Variants in TPST1 observed in about 807,000 individuals in gnomAD.
TPST1 encodes the protein protein-tyrosine sulfotransferase 1.
A neutral mutation model predicts 34.8 loss-of-function variants in TPST1; 20 were observed. The observed-to-expected ratio is 0.57, with a 90% CI of 0.40 to 0.84. The LOEUF (loss-of-function observed/expected upper bound fraction) is 0.84, where lower values mean the gene tolerates loss of function less well. TPST1 is among the 40% of genes least tolerant of loss of function. The pLI is 0.00. For synonymous variants in TPST1, 152 were observed against 159.4 expected, an observed-to-expected ratio of 0.95 and a Z score of 0.35; for missense variants, 353 against 455.5, an observed-to-expected ratio of 0.78 and a Z score of 2.05.
Position 66,205,780 on chromosome 7 carries a change from C to G in TPST1, c.-102+258C>G, listed in dbSNP as rs79607011. ...GGGGCCTCTCCCCTCTGCCCTTTCT[C>G]TCCCTTCTCGCAGCCCTGGGACCAC... On this transcript the variant is annotated intron_variant, in intron 1 of 5. Transcript: ENST00000304842. This position sits in a 1 kb window ranked among gnomAD's most constrained non-coding sequence, Gnocchi z 5.0. The G allele has an allele frequency of 9.6e-4, 147 of 152,530 alleles. 4 individuals carry two copies. In the East Asian group the frequency reaches 0.025, roughly 26 times the overall value. The allele number at this position is 152,530 out of a possible 1,614,324, so 9.4% of individuals were successfully genotyped here.
chr7:66,307,570 T>C (rs534908218), intron 3 of TPST1, among the ~76,000 whole-genome samples: 39 of 152,280 alleles, frequency 2.6e-4, no homozygotes, highest in African/African-American at 8.7e-4. Flanking sequence ...GTAAAAGCAG[T>C]GTCCTTTTTA....
At chr7:66,240,088 C>A (rs139936726) in intron 1 of TPST1, among the ~76,000 whole-genome samples, 1 of 151,960 alleles carries the variant, frequency 6.6e-6, no homozygotes, top group Non-Finnish European at 1.5e-5. Flanking sequence ...GGGGTTTCAC[C>A]GTGTTGGCCG....
At position 66,328,906 on chromosome 7, in the gene TPST1, A is replaced by ATTTTTTTTTTT. The variant is rs1172711561; in HGVS notation, c.1045-23586_1045-23576dup. ...TCTCTCTATATATATATATATATAT[A>ATTTTTTTTTTT]TTTTTTTTTTTTTTTTTTTTTTTGA... is the stretch of plus-strand genomic sequence containing the variant. On this transcript the variant is annotated intron_variant, in intron 3 of 5. Transcript: ENST00000304842. Among the ~76,000 whole-genome samples, 7 of 13,158 alleles carry ATTTTTTTTTTT rather than the reference A, an allele frequency of 5.3e-4. 3 individuals are homozygous for ATTTTTTTTTTT. Among genetic ancestry groups the ATTTTTTTTTTT allele is most frequent in the African/African-American group, 1.1e-3 (2 of 1,772 alleles). The allele number at this position is 13,158 out of a possible 152,430, so 8.6% of individuals were successfully genotyped here. A position where few individuals can be genotyped will look rare whatever the true frequency, so the allele number is the denominator to read the frequency against.
At chr7:66,238,909 A>G (rs1489991502) in intron 1 of TPST1, among the ~76,000 whole-genome samples, 2 of 152,186 alleles carry the variant, frequency 1.3e-5, no homozygotes, top group African/African-American at 2.4e-5. Flanking sequence ...TGTTTCATAT[A>G]CATGCTTCTG....
At chr7:66,328,011 C>CTTTTTTTTTTTTTT (rs35582736) in intron 3 of TPST1, among the ~76,000 whole-genome samples, 1 of 39,486 alleles carries the variant, frequency 2.5e-5, no homozygotes, top group African/African-American at 1.1e-4. Flanking sequence ...TTTTCCTTTC[C>CTTTTTTTTTTTTTT]TTTTTTTTTT....
chr7:66,229,777 C>A (rs1310261736), intron 1 of TPST1, among the ~76,000 whole-genome samples: 1 of 152,102 alleles, frequency 6.6e-6, no homozygotes. Context: ...TGCTTTTTAT[C>A]CTTGTCAGCA....
chr7:66,238,479 G>A (rs1398959238), intron 1 of TPST1, among the ~76,000 whole-genome samples: 2 of 150,410 alleles, frequency 1.3e-5, no homozygotes, highest in Non-Finnish European at 3.0e-5. Context: ...AGTTGTTATG[G>A]AGGCCTGCGT....
intron 3 of TPST1, among the ~76,000 whole-genome samples, chr7:66,329,429 C>CTT (rs11389260): frequency 6.6e-6 from 1 of 151,276 alleles, no homozygotes; most frequent in African/African-American, 2.4e-5. Flanking sequence ...ACTCACATGG[C>CTT]TTTTTTTTTA....
intron 3 of TPST1, among the ~76,000 whole-genome samples, chr7:66,323,740 C>G (rs1188843716): frequency 6.6e-6 from 1 of 152,152 alleles, no homozygotes; most frequent in Non-Finnish European, 1.5e-5. Flanking sequence ...GTTGGTTCCT[C>G]TTGAATCACC....
intron 3 of TPST1, among the ~76,000 whole-genome samples, chr7:66,315,048 A>G (rs1336442107): frequency 6.6e-6 from 1 of 152,196 alleles, no homozygotes; most frequent in Non-Finnish European, 1.5e-5. Flanking sequence ...CCTCCATTTC[A>G]TGGTATTCTA....
intron 3 of TPST1, among the ~76,000 whole-genome samples, chr7:66,303,391 GTGTA>G (rs6150141): frequency 2.7e-5 from 4 of 150,164 alleles, no homozygotes; most frequent in East Asian, 2.0e-4. Flanking sequence ...ACAGCTGTGT[GTGTA>G]TGTATGTATG....
chr7:66,335,911 A>C lies in TPST1; in HGVS notation c.1045-16594A>C, dbSNP rs189243548. Among the ~76,000 whole-genome samples the C allele has an allele frequency of 8.5e-5, 13 of 152,360 alleles. No homozygotes were observed. The East Asian group carries it at 2.3e-3, about 27-fold the overall frequency. On this transcript the variant is annotated intron_variant, in intron 3 of 5. Coordinates refer to ENST00000304842, the MANE Select transcript of TPST1 (RefSeq NM_003596.4). ...GCAATGATTATGAAAACTTAGGGAAATATGACACCACCAAAAGAAACCAAC... is the reference window on the plus strand; with the variant it reads ...GCAATGATTATGAAAACTTAGGGAACTATGACACCACCAAAAGAAACCAAC...
intron 3 of TPST1, among the ~76,000 whole-genome samples, chr7:66,310,783 C>A (rs1791514324): frequency 1.3e-5 from 2 of 151,700 alleles, no homozygotes; most frequent in South Asian, 4.2e-4. Context: ...CACTTTATTT[C>A]TTGTGCCTAA....
chr7:66,331,790 T>G (rs2116275456), intron 3 of TPST1, among the ~76,000 whole-genome samples: 1 of 152,318 alleles, frequency 6.6e-6, no homozygotes, highest in Middle Eastern at 3.4e-3. Context: ...ATTGCCTTCC[T>G]GTTTACTGTA....
chr7:66,294,857 T>A (rs1791160648), intron 3 of TPST1, among the ~76,000 whole-genome samples: 1 of 152,178 alleles, frequency 6.6e-6, no homozygotes, highest in Non-Finnish European at 1.5e-5. Flanking sequence ...TTGTATCCAG[T>A]CCTTTTAATA....
chr7:66,346,256 C>G (rs1212320867), intron 3 of TPST1, among the ~76,000 whole-genome samples: 2 of 151,974 alleles, frequency 1.3e-5, no homozygotes, highest in African/African-American at 2.4e-5. Context: ...GATCCCAAAT[C>G]TTGGCTATTG....
At chr7:66,328,288 A>G (rs926186392) in intron 3 of TPST1, among the ~76,000 whole-genome samples, 1 of 151,192 alleles carries the variant, frequency 6.6e-6, no homozygotes, top group South Asian at 2.1e-4. Context: ...CAGCCTCCCA[A>G]AGTGCTGGGA....
At chr7:66,249,021 A>T (rs956664697) in intron 2 of TPST1, among the ~76,000 whole-genome samples, 1 of 152,112 alleles carries the variant, frequency 6.6e-6, no homozygotes, top group African/African-American at 2.4e-5. Flanking sequence ...GTGTCCTCAC[A>T]TGGTAAAGGA....
intron 1 of TPST1, among the ~76,000 whole-genome samples, chr7:66,225,757 A>T (rs1451697837): frequency 6.6e-6 from 1 of 152,248 alleles, no homozygotes; most frequent in Non-Finnish European, 1.5e-5. Context: ...GTACTTCTTA[A>T]ATCAAAGGAC....
Sources: allele counts gnomAD v4.1 joint callset (sites outside exome capture counted in the v4.1 genomes callset), GRCh38; gene constraint gnomAD v4.1.1; non-coding constraint Gnocchi (gnomAD v3.1); transcripts MANE v1.5; gene names NCBI Gene and HGNC (gene_info 2026-07-23, HGNC 2026-07-21).